The following ATXN7L1 variants were observed in gnomAD, a reference collection of about 807,000 sequenced individuals.
ATXN7L1 encodes ataxin-7-like protein 1.
Under a neutral mutation model 70.8 loss-of-function variants are expected in ATXN7L1, and 15 were observed. The ratio of observed to expected loss-of-function variants is 0.21; its 90% confidence interval spans 0.14 to 0.33. The LOEUF (loss-of-function observed/expected upper bound fraction) is 0.33, where lower values mean the gene tolerates loss of function less well. Ranked by LOEUF, ATXN7L1 falls within the 10% of genes least tolerant of loss-of-function variation. The pLI is 1.00. For missense variants in ATXN7L1, 975 were observed against 1,097.1 expected, an observed-to-expected ratio of 0.89 and a Z score of 1.57; for synonymous variants, 440 against 445.1, an observed-to-expected ratio of 0.99 and a Z score of 0.14.
chr7:105,858,603 G>A (rs1331599298), intron 2 of ATXN7L1, among the ~76,000 whole-genome samples: 1 of 152,194 alleles, frequency 6.6e-6, no homozygotes, highest in Non-Finnish European at 1.5e-5. Flanking sequence ...TTTGCAATGG[G>A]CAGCAGTGGT....
chr7:105,855,189 G>A (rs1204787171), intron 2 of ATXN7L1, among the ~76,000 whole-genome samples: 2 of 152,164 alleles, frequency 1.3e-5, no homozygotes, highest in Non-Finnish European at 1.5e-5. Context: ...TCTTGGCCTC[G>A]TGATCCGTCC....
At chr7:105,819,656 G>A (rs1317776209) in intron 2 of ATXN7L1, 3 of 931,056 alleles carry the variant, frequency 3.2e-6, no homozygotes, top group Non-Finnish European at 5.3e-6. Flanking sequence ...TGAAGTACCT[G>A]GTCTTCCTCC....
chr7:105,636,595 C>T (rs545311183), intron 7 of ATXN7L1, among the ~76,000 whole-genome samples: 82 of 152,270 alleles, frequency 5.4e-4, no homozygotes, highest in African/African-American at 1.9e-3. Context: ...AAGGAACAGT[C>T]GGAGCAGATC....
chr7:105,767,836 G>A (rs775108481), intron 3 of ATXN7L1, among the ~76,000 whole-genome samples: 1 of 152,178 alleles, frequency 6.6e-6, no homozygotes, highest in Non-Finnish European at 1.5e-5. Flanking sequence ...AGCCCATGTG[G>A]GCACTGGCTT....
At chr7:105,708,199 C>G (rs1010438333) in intron 3 of ATXN7L1, among the ~76,000 whole-genome samples, 3 of 152,206 alleles carry the variant, frequency 2.0e-5, no homozygotes, top group East Asian at 3.8e-4. Context: ...GGCCTGCGTA[C>G]TGTTCCGTGT....
chr7:105,617,214 C>T (rs935854075), intron 9 of ATXN7L1, among the ~76,000 whole-genome samples: 5 of 152,078 alleles, frequency 3.3e-5, no homozygotes, highest in East Asian at 1.9e-4. Flanking sequence ...TTAGTAGAGA[C>T]GGGGTTTCAC....
chr7:105,639,490 G>A lies in ATXN7L1; in HGVS notation c.942C>T (p.Cys314=). Residue 314 remains cysteine (C), a synonymous_variant, in exon 6 of 12, where the codon TGC becomes TGT. Coordinates refer to ENST00000419735, the MANE Select transcript of ATXN7L1 (RefSeq NM_020725.2). ...TTTTTTATGGAAAGAGAAATACCTT[G>A]CAGGTGAGGGATCTTGTGCAAGGTT... ...TKKPCTRSLT[C]KTHSLSHRRA... 6.5e-7 allele frequency: 1 copy of A among 1,548,910 alleles called. No homozygotes were observed. Among genetic ancestry groups the A allele is most frequent in the Non-Finnish European group, 8.7e-7 (1 of 1,144,536 alleles).
Position 105,744,325 on chromosome 7 carries a change from TG to T in ATXN7L1, c.355+44278del, listed in dbSNP as rs538940201. Reference sequence around the variant, plus strand: ...TTACATGCACAACCATTTATCTAAATGGTTGTGGGAGACTAAATCCGCTAGG... The same window carrying T: ...TTACATGCACAACCATTTATCTAAATGTTGTGGGAGACTAAATCCGCTAGG... On this transcript the variant is annotated intron_variant, in intron 3 of 11. Coordinates refer to ENST00000419735, the MANE Select transcript of ATXN7L1 (RefSeq NM_020725.2). Among the ~76,000 whole-genome samples the T allele has an allele frequency of 3.8e-3, 576 of 152,308 alleles. 1 individual carries two copies. The highest frequency in any genetic ancestry group is 5.9e-3 in the Non-Finnish European group (402 of 68,026).
At chr7:105,758,382 T>C (rs1427299443) in intron 3 of ATXN7L1, among the ~76,000 whole-genome samples, 1 of 152,248 alleles carries the variant, frequency 6.6e-6, no homozygotes, top group African/African-American at 2.4e-5. Context: ...TGAGAAGATT[T>C]ACACTCAGTC....
intron 2 of ATXN7L1, among the ~76,000 whole-genome samples, chr7:105,862,150 T>A (rs778223854): frequency 6.6e-6 from 1 of 152,128 alleles, no homozygotes; most frequent in African/African-American, 2.4e-5. Flanking sequence ...ATGTAACCAG[T>A]TCTGGTGGGC....
chr7:105,670,483 C>A (rs1201738436), intron 3 of ATXN7L1, among the ~76,000 whole-genome samples: 2 of 152,164 alleles, frequency 1.3e-5, no homozygotes, highest in African/African-American at 4.8e-5. Flanking sequence ...ATGCATATAG[C>A]TTTATTAAGA....
intron 7 of ATXN7L1, among the ~76,000 whole-genome samples, chr7:105,636,540 T>G (rs574955341): frequency 1.2e-4 from 18 of 149,510 alleles, no homozygotes; most frequent in Non-Finnish European, 2.1e-4. Context: ...CACAAACAGC[T>G]GGCATTTCTC....
intron 3 of ATXN7L1, among the ~76,000 whole-genome samples, chr7:105,702,372 G>C (rs1475959157): frequency 6.6e-6 from 1 of 152,118 alleles, no homozygotes; most frequent in Non-Finnish European, 1.5e-5. Flanking sequence ...ATTCTTTCTA[G>C]AAATACAGAA....
rs1320859991 is a variant in ATXN7L1 at position 105,708,193 on chromosome 7, T to C, written c.356-42905A>G. 2.6e-5 allele frequency among the ~76,000 whole-genome samples: 4 copies of C among 152,174 alleles called. No homozygotes were observed. In the East Asian group the frequency reaches 7.7e-4, roughly 29 times the overall value. On this transcript the variant is annotated intron_variant, in intron 3 of 11. Coordinates refer to ENST00000419735, the MANE Select transcript of ATXN7L1 (RefSeq NM_020725.2). ...ACAGTTGGCTGTGGACCCAGAGGCCTGCGTACTGTTCCGTGTCTGCATCAA... is the reference window on the plus strand; with the variant it reads ...ACAGTTGGCTGTGGACCCAGAGGCCCGCGTACTGTTCCGTGTCTGCATCAA...
At chr7:105,794,878 C>G (rs1383402755) in intron 2 of ATXN7L1, among the ~76,000 whole-genome samples, 1 of 152,198 alleles carries the variant, frequency 6.6e-6, no homozygotes, top group Non-Finnish European at 1.5e-5. Flanking sequence ...AGCATTAAAT[C>G]AGGTCTGCTT....
At chr7:105,805,637 C>T (rs150138401) in intron 2 of ATXN7L1, among the ~76,000 whole-genome samples, 104 of 152,286 alleles carry the variant, frequency 6.8e-4, no homozygotes, top group African/African-American at 2.3e-3. Flanking sequence ...ATAAATAGGA[C>T]GTGTGCGTGG....
intron 3 of ATXN7L1, among the ~76,000 whole-genome samples, chr7:105,725,907 T>C (rs12540178): frequency 0.046 from 6,765 of 148,412 alleles, 240 homozygotes; most frequent in South Asian, 0.11. Context: ...TTCTTTCTTT[T>C]TTTTTTTTTT....
intron 3 of ATXN7L1, among the ~76,000 whole-genome samples, chr7:105,778,091 T>A (rs1340932373): frequency 6.6e-6 from 1 of 152,172 alleles, no homozygotes; most frequent in East Asian, 1.9e-4. Flanking sequence ...AGGTGCTCAA[T>A]AAATATTTTT....
At chr7:105,847,136 C>T (rs1374680749) in intron 2 of ATXN7L1, among the ~76,000 whole-genome samples, 1 of 152,026 alleles carries the variant, frequency 6.6e-6, no homozygotes, top group Non-Finnish European at 1.5e-5. Flanking sequence ...ATTATTAAAA[C>T]ACATACATAA....
Sources: gnomAD v4.1 joint callset for allele counts (sites outside exome capture counted in the v4.1 genomes callset) on GRCh38, gnomAD v4.1.1 for gene constraint, MANE v1.5 for transcripts, NCBI Gene and HGNC (gene_info 2026-07-23, HGNC 2026-07-21) for gene names.